The following SUN3 variants were observed in gnomAD, a reference collection of about 807,000 sequenced individuals.
The protein encoded by SUN3 is SUN domain-containing protein 3.
In SUN3, 36 loss-of-function variants were observed where a neutral mutation model predicts 48.2. The observed-to-expected ratio is 0.75, with a 90% CI of 0.57 to 0.99. The LOEUF (loss-of-function observed/expected upper bound fraction) is 0.99. Ranked by LOEUF, SUN3 falls within the 50% of genes least tolerant of loss-of-function variation. The pLI is 0.00. For synonymous variants in SUN3, 148 were observed against 147.9 expected, an observed-to-expected ratio of 1.00 and a Z score of 0.00; for missense variants, 419 against 433.1, an observed-to-expected ratio of 0.97 and a Z score of 0.29.
intron 6 of SUN3, among the ~76,000 whole-genome samples, chr7:48,000,338 A>G (rs901080353): frequency 6.6e-6 from 1 of 152,002 alleles, no homozygotes; most frequent in Non-Finnish European, 1.5e-5. Context: ...GGATTTCACC[A>G]TGTTGGCCAG....
intron 2 of SUN3, among the ~76,000 whole-genome samples, chr7:48,025,506 A>G (rs1314976593): frequency 6.6e-6 from 1 of 152,220 alleles, no homozygotes; most frequent in African/African-American, 2.4e-5. Context: ...CTGTGTGATG[A>G]GCAAGAGTCT....
At chr7:48,009,130 T>A (rs1789612775) in intron 3 of SUN3, 55 bp from the exon 4 acceptor site, 2 of 1,515,306 alleles carry the variant, frequency 1.3e-6, no homozygotes, top group Non-Finnish European at 9.0e-7. Context: ...TCAAATAGAG[T>A]CTTTTTTTTT....
At chr7:48,035,555 C>A in the SUN3 span, 1 of 698,350 alleles carries the variant, frequency 1.4e-6, no homozygotes. The surrounding 1 kb of genome is among the most constrained non-coding windows in gnomAD (Gnocchi z 4.0). Context: ...GTTTGGTTGG[C>A]TGCAGCCAGC....
chr7:48,008,070 C>T (rs969288955), intron 4 of SUN3, among the ~76,000 whole-genome samples: 2 of 152,192 alleles, frequency 1.3e-5, no homozygotes, highest in Admixed American at 6.5e-5. Flanking sequence ...GTGATCCACC[C>T]GCCTCGGCCA....
intron 3 of SUN3, among the ~76,000 whole-genome samples, chr7:48,014,485 G>A (rs1290654961): frequency 1.3e-5 from 2 of 152,134 alleles, no homozygotes; most frequent in Non-Finnish European, 1.5e-5. Flanking sequence ...TAAAGAAATC[G>A]ATGAGTGTCT....
At position 47,994,270 on chromosome 7, in the gene SUN3, C is replaced by T. The variant is rs201760001; in HGVS notation, c.861+45G>A. On this transcript the variant is annotated intron_variant, in intron 8 of 9. Coordinates refer to ENST00000297325, the MANE Select transcript of SUN3 (RefSeq NM_001030019.2). The stretch of plus-strand genomic sequence containing the variant: ...CAGCCCCTAATTCCTAGCCAACCAC[C>T]TTCTATCAGGCCAATCTGAATGACA... 9.3e-4 allele frequency: 1,490 copies of T among 1,603,790 alleles called. 1 individual carries two copies. Among genetic ancestry groups the T allele is most frequent in the Non-Finnish European group, 1.2e-3 (1,354 of 1,175,226 alleles).
chr7:48,007,400 C>T, intron 4 of SUN3, 73 bp from the exon 5 acceptor site: 4 of 1,434,294 alleles, frequency 2.8e-6, no homozygotes, highest in Middle Eastern at 3.6e-4. Flanking sequence ...CTGGGCTCCA[C>T]CCGCCATGTG....
chr7:48,032,066 A>T (rs1364168690), upstream of SUN3, among the ~76,000 whole-genome samples: 4 of 152,206 alleles, frequency 2.6e-5, no homozygotes, highest in Non-Finnish European at 5.9e-5. Context: ...AAATGTGTAG[A>T]AGCAAAGAGT....
chr7:48,009,994 G>A (rs1789639629), intron 3 of SUN3, among the ~76,000 whole-genome samples: 1 of 152,120 alleles, frequency 6.6e-6, no homozygotes, highest in Non-Finnish European at 1.5e-5. Flanking sequence ...GATGACGGTG[G>A]TTGGGTGCTC....
intron 2 of SUN3, among the ~76,000 whole-genome samples, chr7:48,018,830 C>T (rs1789887767): frequency 6.6e-6 from 1 of 151,988 alleles, no homozygotes; most frequent in Non-Finnish European, 1.5e-5. Flanking sequence ...ATGGCAGAAA[C>T]CATCCCTGAG....
intron 2 of SUN3, among the ~76,000 whole-genome samples, chr7:48,021,630 C>A (rs1790000569): frequency 6.6e-6 from 1 of 150,414 alleles, no homozygotes; most frequent in South Asian, 2.1e-4. Context: ...AAACATCTCT[C>A]AAAAGAAGAC....
intron 9 of SUN3, among the ~76,000 whole-genome samples, chr7:47,988,014 G>T (rs558699697): frequency 5.3e-5 from 8 of 152,264 alleles, no homozygotes; most frequent in African/African-American, 1.9e-4. Flanking sequence ...TGGCTGTGCC[G>T]AGGAGCAGGG....
At chr7:48,006,153 G>A (rs1789519699) in intron 5 of SUN3, 100 bp from the exon 6 acceptor site, 5 of 755,282 alleles carry the variant, frequency 6.6e-6, no homozygotes, top group Non-Finnish European at 1.1e-5. Flanking sequence ...TGCAAAATTA[G>A]AATAGCAGTG....
chr7:48,014,473 G>A (rs1044043448), intron 3 of SUN3, among the ~76,000 whole-genome samples: 7 of 152,160 alleles, frequency 4.6e-5, no homozygotes, highest in African/African-American at 1.4e-4. Flanking sequence ...GAAGAGAGCT[G>A]GTAAAGAAAT....
intron 3 of SUN3, 106 bp from the exon 4 acceptor site, chr7:48,009,181 T>C: frequency 9.1e-7 from 1 of 1,103,132 alleles, no homozygotes; most frequent in Non-Finnish European, 1.3e-6. Flanking sequence ...ACTCCTGATA[T>C]ACAGATGTGC....
At chr7:48,008,913 TG>T in intron 4 of SUN3, 121 bp downstream of exon 4, 1 of 800,100 alleles carries the variant, frequency 1.2e-6, no homozygotes, top group East Asian at 2.5e-5. Context: ...TAGTTATTTC[TG>T]GGAGTGAAAT....
chr7:48,015,239 T>A (rs1175859807), intron 3 of SUN3, among the ~76,000 whole-genome samples: 3 of 152,206 alleles, frequency 2.0e-5, no homozygotes, highest in Non-Finnish European at 2.9e-5. Flanking sequence ...TTGGTCTTAG[T>A]CTTTGATGTG....
intron 8 of SUN3, among the ~76,000 whole-genome samples, chr7:47,990,397 TC>T (rs1789021322): frequency 6.6e-6 from 1 of 152,132 alleles, no homozygotes; most frequent in Admixed American, 6.5e-5. Context: ...TGACCCTCTC[TC>T]CACTATTACC....
chr7:48,035,457 A>G, the SUN3 span: 2 of 692,718 alleles, frequency 2.9e-6, no homozygotes, highest in Non-Finnish European at 5.2e-6. The surrounding 1 kb of genome is among the most constrained non-coding windows in gnomAD (Gnocchi z 4.0). Context: ...ATTGGCTGAC[A>G]GTGCTCCAGC....
Sources: gnomAD v4.1 joint callset for allele counts (sites outside exome capture counted in the v4.1 genomes callset) on GRCh38, gnomAD v4.1.1 for gene constraint, Gnocchi (gnomAD v3.1) non-coding constraint, MANE v1.5 for transcripts, NCBI Gene and HGNC (gene_info 2026-07-23, HGNC 2026-07-21) for gene names.